NR3C1: variants seen among roughly 807,000 people sequenced by gnomAD.
NR3C1 encodes nuclear receptor subfamily 3 group C member 1.
NR3C1 carries 14 observed loss-of-function variants against 74.0 expected under a neutral mutation model. The observed-to-expected ratio is 0.19, with a 90% CI of 0.12 to 0.30. The LOEUF (loss-of-function observed/expected upper bound fraction) is 0.30. Ranked by LOEUF, NR3C1 falls within the 10% of genes least tolerant of loss-of-function variation. The pLI, the probability that NR3C1 is intolerant of heterozygous loss-of-function variation, is 1.00. For synonymous variants in NR3C1, 308 were observed against 332.5 expected (o/e 0.93, Z 0.80); for missense variants, 695 against 909.8 (o/e 0.76, Z 3.04).
rs959555443 is a variant in NR3C1, at chr5:143,280,496, A to T, written c.*1393T>A. 1 of 152,644 alleles carries T rather than the reference A, an allele frequency of 6.6e-6. No homozygotes were observed. The highest frequency in any genetic ancestry group is 2.4e-5 in the African/African-American group (1 of 41,458). 9.5% of individuals were successfully genotyped at this position (152,644 alleles called of 1,614,324 possible). ...AATATGTTAAGTTTTGAGTTTACAGAAAGTTGGTAAGGTGCACACAGAAAG... is the reference window on the plus strand; with the variant it reads ...AATATGTTAAGTTTTGAGTTTACAGTAAGTTGGTAAGGTGCACACAGAAAG... On this transcript the variant is annotated 3_prime_UTR_variant, in exon 9 of 9. Coordinates refer to ENST00000394464, the MANE Select transcript of NR3C1 (RefSeq NM_000176.3).
At chr5:143,337,389 T>C (rs183030989) in intron 2 of NR3C1, among the ~76,000 whole-genome samples, 1 of 152,330 alleles carries the variant, frequency 6.6e-6, no homozygotes, top group Admixed American at 6.5e-5. Flanking sequence ...GTAATCATTT[T>C]GGAAGACAGT....
At chr5:143,295,134 C>T in intron 7 of NR3C1, 2 of 985,362 alleles carry the variant, frequency 2.0e-6, no homozygotes, top group Non-Finnish European at 2.4e-6. Flanking sequence ...TGGACAAAAT[C>T]ACTGTAGTTA....
chr5:143,281,793 AT>A lies in NR3C1; in HGVS notation c.*95del, dbSNP rs1408122616. The stretch of plus-strand genomic sequence containing the variant: ...AAACAACAGATGAAAACAATAAAAA[AT>A]AAAACAACAAAACCTCTACAGGACA... On this transcript the variant is annotated 3_prime_UTR_variant, in exon 9 of 9. Coordinates refer to ENST00000394464, the MANE Select transcript of NR3C1 (RefSeq NM_000176.3). 1 of 1,338,768 alleles carries A rather than the reference AT, an allele frequency of 7.5e-7. No homozygotes were observed. The highest frequency in any genetic ancestry group is 1.8e-5 in the Admixed American group (1 of 54,660). The allele number at this position is 1,338,768 out of a possible 1,614,324, so 82.9% of individuals were successfully genotyped here.
At chr5:143,282,221 T>A (rs72481859) in intron 8 of NR3C1, among the ~76,000 whole-genome samples, 180 bp from the exon 9 acceptor site, 1 of 152,214 alleles carries the variant, frequency 6.6e-6, no homozygotes, top group Non-Finnish European at 1.5e-5. Flanking sequence ...TTTGATTGTA[T>A]GTAGAATTAT....
rs527264357 is a variant in NR3C1, at chr5:143,433,422, T to TTA, written c.-14+1108_-14+1109dup. ...TATATATATAATTTATTTATTTAAA[T>TTA]TATATATATATATAATTTATTTATT... On this transcript the variant is annotated intron_variant, in intron 1 of 8. Coordinates refer to the NR3C1 transcript ENST00000343796. 2.4e-3 allele frequency among the ~76,000 whole-genome samples: 335 copies of TTA among 137,350 alleles called. 4 individuals carry two copies. Among genetic ancestry groups the TTA allele is most frequent in the Admixed American group, 8.4e-3 (114 of 13,604 alleles). The allele number at this position is 137,350 out of a possible 152,430, so 90.1% of individuals were successfully genotyped here.
chr5:143,398,769 C>T (rs559533657), intron 2 of NR3C1, among the ~76,000 whole-genome samples: 9 of 152,200 alleles, frequency 5.9e-5, no homozygotes, highest in East Asian at 1.9e-4. Context: ...CCTACCAACA[C>T]GTATATCTAC....
At chr5:143,358,801 G>A (rs947477331) in intron 2 of NR3C1, among the ~76,000 whole-genome samples, 1 of 151,918 alleles carries the variant, frequency 6.6e-6, no homozygotes, top group East Asian at 1.9e-4. Flanking sequence ...TTGGGAGGCT[G>A]AGCCAGGAGA....
intron 2 of NR3C1, among the ~76,000 whole-genome samples, chr5:143,353,823 T>G (rs2151794106): frequency 6.6e-6 from 1 of 152,308 alleles, no homozygotes; most frequent in East Asian, 1.9e-4. Context: ...GGCTTCAACT[T>G]AAAGTCACCA....
chr5:143,337,033 GCA>G (rs1242844342), intron 2 of NR3C1, among the ~76,000 whole-genome samples: 2 of 151,794 alleles, frequency 1.3e-5, no homozygotes, highest in African/African-American at 4.8e-5. Context: ...ACATGTGTGC[GCA>G]CACACACATA....
At chr5:143,301,334 A>G (rs920749232) in intron 4 of NR3C1, among the ~76,000 whole-genome samples, 1 of 152,180 alleles carries the variant, frequency 6.6e-6, no homozygotes, top group Non-Finnish European at 1.5e-5. Flanking sequence ...TAGTTCTACC[A>G]GTAGAAAAAA....
intron 7 of NR3C1, among the ~76,000 whole-genome samples, chr5:143,287,005 C>T (rs1014635096): frequency 6.7e-6 from 1 of 148,844 alleles, no homozygotes; most frequent in Non-Finnish European, 1.5e-5. Context: ...ACACATGGGT[C>T]AATGAAAAAA....
At chr5:143,331,870 C>T (rs898010251) in intron 2 of NR3C1, among the ~76,000 whole-genome samples, 1 of 152,130 alleles carries the variant, frequency 6.6e-6, no homozygotes, top group African/African-American at 2.4e-5. Context: ...GTACAGCAAA[C>T]CCCTGTGGCA....
At chr5:143,371,800 C>T (rs1191149033) in intron 2 of NR3C1, among the ~76,000 whole-genome samples, 1 of 152,176 alleles carries the variant, frequency 6.6e-6, no homozygotes, top group African/African-American at 2.4e-5. Context: ...TATAATTTAT[C>T]ATTATCTATG....
At chr5:143,361,581 T>C (rs563692866) in intron 2 of NR3C1, among the ~76,000 whole-genome samples, 6 of 152,282 alleles carry the variant, frequency 3.9e-5, no homozygotes, top group African/African-American at 1.2e-4. Context: ...TCTGAGTAGT[T>C]AGGAAAACAC....
intron 2 of NR3C1, among the ~76,000 whole-genome samples, chr5:143,389,267 C>T (rs887055697): frequency 5.3e-5 from 8 of 152,122 alleles, no homozygotes; most frequent in Non-Finnish European, 8.8e-5. Flanking sequence ...TAAATGCTTG[C>T]TGCTGCCAAG....
chr5:143,310,698 G>A (rs922301572), intron 3 of NR3C1, among the ~76,000 whole-genome samples: 1 of 152,078 alleles, frequency 6.6e-6, no homozygotes, highest in South Asian at 2.1e-4. Flanking sequence ...CTGTCGCCCA[G>A]GCTGGGAGTG....
chr5:143,346,276 G>C (rs1829274058), intron 2 of NR3C1, among the ~76,000 whole-genome samples: 1 of 152,176 alleles, frequency 6.6e-6, no homozygotes, highest in Admixed American at 6.5e-5. Flanking sequence ...CTTCGTAACA[G>C]GCTTAGAATT....
intron 2 of NR3C1, among the ~76,000 whole-genome samples, chr5:143,384,583 T>C (rs1029713763): frequency 6.6e-6 from 1 of 152,192 alleles, no homozygotes; most frequent in Admixed American, 6.5e-5. Context: ...ACAGGCCCCA[T>C]GCATGTCCAA....
intron 6 of NR3C1, among the ~76,000 whole-genome samples, chr5:143,296,458 C>A (rs1405437039): frequency 6.6e-6 from 1 of 152,130 alleles, no homozygotes; most frequent in Admixed American, 6.5e-5. Flanking sequence ...ACCGAAGAGG[C>A]ACCTCCCTAG....
Sources: allele counts gnomAD v4.1 joint callset (sites outside exome capture counted in the v4.1 genomes callset), GRCh38; gene constraint gnomAD v4.1.1; transcripts MANE v1.5; gene names NCBI Gene and HGNC (gene_info 2026-07-23, HGNC 2026-07-21).